Variants in RTL4 observed in about 807,000 individuals in gnomAD.
RTL4 encodes the protein retrotransposon Gag-like protein 4.
In RTL4, 4 loss-of-function variants were observed where a neutral mutation model predicts 5.3. The ratio of observed to expected loss-of-function variants is 0.75; its 90% CI spans 0.37 to 1.72. The LOEUF (loss-of-function observed/expected upper bound fraction) is 1.72. RTL4 is among the 40% of genes most tolerant of loss of function. The pLI is 0.04. For missense variants in RTL4, 260 were observed against 227.1 expected (o/e 1.14, Z -0.93); for synonymous variants, 98 against 87.3 (o/e 1.12, Z -0.68).
the RTL4 span, among the ~76,000 whole-genome samples, chrX:112,269,757 T>G: frequency 1.8e-5 from 2 of 112,141 alleles, no homozygotes; most frequent in Middle Eastern, 4.6e-3. Flanking sequence ...CTTAGTTGCC[T>G]TTCTTTGATC....
the RTL4 span, among the ~76,000 whole-genome samples, chrX:112,142,917 C>T: frequency 9.0e-6 from 1 of 111,036 alleles, no homozygotes. Flanking sequence ...CAACCTCCAC[C>T]TCCCGGCTTC....
the RTL4 span, among the ~76,000 whole-genome samples, chrX:112,222,639 G>C: frequency 9.0e-6 from 1 of 110,954 alleles, no homozygotes; most frequent in African/African-American, 3.3e-5. Context: ...AGGCTGAGGC[G>C]GGAGGATCAC....
the RTL4 span, among the ~76,000 whole-genome samples, chrX:112,200,906 G>A: frequency 1.8e-5 from 2 of 111,762 alleles, no homozygotes; most frequent in Non-Finnish European, 3.8e-5. Context: ...AGTGTACAAA[G>A]CAAGACGAGG....
chrX:112,186,178 G>A, the RTL4 span, among the ~76,000 whole-genome samples: 1 of 111,800 alleles, frequency 8.9e-6, no homozygotes, highest in African/African-American at 3.2e-5. Context: ...GACCTTCAGA[G>A]TATTACAAAT....
At chrX:112,402,400 TTGTGTGTGTGTGTGTGTG>T in the RTL4 span, among the ~76,000 whole-genome samples, 55 of 87,419 alleles carry the variant, frequency 6.3e-4, no homozygotes, top group African/African-American at 2.0e-3. Context: ...GGAATTATTA[TTGTGTGTGTGTGTGTGTG>T]TGTGTGTGTG....
the RTL4 span, among the ~76,000 whole-genome samples, chrX:112,446,925 T>C: frequency 8.9e-6 from 1 of 112,364 alleles, no homozygotes; most frequent in East Asian, 2.8e-4. Flanking sequence ...AATCTAGTTC[T>C]AACTATGGCT....
chrX:112,091,050 A>G, the RTL4 span, among the ~76,000 whole-genome samples: 2 of 110,520 alleles, frequency 1.8e-5, no homozygotes, highest in Non-Finnish European at 3.8e-5. Context: ...ATAATTGTTC[A>G]TTGTTTTCTC....
At chrX:112,113,724 G>T in the RTL4 span, among the ~76,000 whole-genome samples, 1 of 111,639 alleles carries the variant, frequency 9.0e-6, no homozygotes, top group Non-Finnish European at 1.9e-5. Flanking sequence ...CAGCATAGTG[G>T]GCAAGGGCAA....
the RTL4 span, among the ~76,000 whole-genome samples, chrX:112,111,093 G>A: frequency 2.7e-4 from 30 of 111,609 alleles, no homozygotes; most frequent in Non-Finnish European, 2.1e-4. Flanking sequence ...ACTTTTAAAG[G>A]AATAGGATAC....
the RTL4 span, among the ~76,000 whole-genome samples, chrX:112,085,666 C>T: frequency 8.9e-6 from 1 of 111,766 alleles, no homozygotes; most frequent in Non-Finnish European, 1.9e-5. Flanking sequence ...ACCAAAAATG[C>T]GTCCAGGCAT....
At chrX:112,196,502 A>T in the RTL4 span, among the ~76,000 whole-genome samples, 3 of 112,005 alleles carry the variant, frequency 2.7e-5, no homozygotes, top group Non-Finnish European at 5.6e-5. Flanking sequence ...ATAAATGCCC[A>T]GGAGTGCAAT....
the RTL4 span, among the ~76,000 whole-genome samples, chrX:112,289,118 C>T: frequency 1.8e-5 from 2 of 111,750 alleles, no homozygotes; most frequent in East Asian, 2.8e-4. Context: ...GACACCCAGT[C>T]GAATAAGTAC....
At chrX:112,381,307 G>C in the RTL4 span, 1 of 1,209,442 alleles carries the variant, frequency 8.3e-7, no homozygotes, top group South Asian at 1.8e-5. Flanking sequence ...TCCTTCCACC[G>C]TATCATAGTC....
chrX:112,258,478 T>C, the RTL4 span, among the ~76,000 whole-genome samples: 2 of 112,073 alleles, frequency 1.8e-5, no homozygotes, highest in Non-Finnish European at 3.8e-5. Context: ...ATTTTTTAAA[T>C]GTATTTAATT....
chrX:112,372,620 T>G, the RTL4 span, among the ~76,000 whole-genome samples: 1 of 111,280 alleles, frequency 9.0e-6, no homozygotes, highest in African/African-American at 3.3e-5. Flanking sequence ...TTCTTGCCTA[T>G]GGGCCAGCAG....
At chrX:112,093,184 C>A in the RTL4 span, among the ~76,000 whole-genome samples, 159 of 111,617 alleles carry the variant, frequency 1.4e-3, no homozygotes, top group African/African-American at 4.7e-3. Flanking sequence ...TTGCAGAAGA[C>A]TTCTGAATCA....
At chrX:112,343,334 A>T in the RTL4 span, among the ~76,000 whole-genome samples, 5 of 111,675 alleles carry the variant, frequency 4.5e-5, no homozygotes, top group Non-Finnish European at 7.5e-5. Flanking sequence ...TAGTGATAGT[A>T]GTTGGAACCT....
At chrX:112,422,153 CAGAT>C in the RTL4 span, among the ~76,000 whole-genome samples, 2 of 111,679 alleles carry the variant, frequency 1.8e-5, no homozygotes. Context: ...TGAGTGAAAA[CAGAT>C]AGTCAAGTGT....
the RTL4 span, among the ~76,000 whole-genome samples, chrX:112,317,651 G>C: frequency 5.4e-5 from 6 of 111,665 alleles, no homozygotes; most frequent in East Asian, 2.8e-4. Flanking sequence ...ATGGGGAGGA[G>C]CTGCTATTTA....
Sources: gnomAD v4.1 joint callset for allele counts (sites outside exome capture counted in the v4.1 genomes callset) on GRCh38, gnomAD v4.1.1 for gene constraint, MANE v1.5 for transcripts, NCBI Gene and HGNC (gene_info 2026-07-23, HGNC 2026-07-21) for gene names.